Variants in ANKS1B observed in about 807,000 individuals in gnomAD.
ANKS1B encodes ankyrin repeat and sterile alpha motif domain containing 1B.
ANKS1B carries 36 observed loss-of-function variants against 148.3 expected under a neutral mutation model. That is an observed-to-expected ratio of 0.24 (90% confidence interval 0.19 to 0.32). The LOEUF is 0.32. ANKS1B is among the 10% of genes least tolerant of loss of function. ANKS1B has a pLI of 1.00. For missense variants in ANKS1B, 1,157 were observed against 1,542.6 expected (o/e 0.75, Z 4.19); for synonymous variants, 542 against 560.8 (o/e 0.97, Z 0.47).
At chr12:99,484,299 T>C in intron 10 of ANKS1B, among the ~76,000 whole-genome samples, 1 of 152,040 alleles carries the variant, frequency 6.6e-6, no homozygotes. Flanking sequence ...TGCGTTTTTA[T>C]AGTTTTGAGG....
chr12:99,797,314 G>A (rs1044082011), intron 4 of ANKS1B, among the ~76,000 whole-genome samples: 1 of 151,834 alleles, frequency 6.6e-6, no homozygotes, highest in Non-Finnish European at 1.5e-5. Flanking sequence ...TCACTCAAAT[G>A]AGCACTATTC....
intron 11 of ANKS1B, among the ~76,000 whole-genome samples, chr12:99,417,776 G>A (rs2094954839): frequency 6.6e-6 from 1 of 151,848 alleles, no homozygotes; most frequent in Admixed American, 6.6e-5. Flanking sequence ...GTTCACCGAG[G>A]CTCATAATCA....
intron 15 of ANKS1B, among the ~76,000 whole-genome samples, chr12:99,105,340 G>C (rs2058927854): frequency 6.6e-6 from 1 of 151,928 alleles, no homozygotes; most frequent in Non-Finnish European, 1.5e-5. Context: ...GTTCCTGTGG[G>C]GCAGGAACAG....
At chr12:99,164,215 C>A (rs1426659149) in intron 14 of ANKS1B, among the ~76,000 whole-genome samples, 1 of 151,930 alleles carries the variant, frequency 6.6e-6, no homozygotes, top group Non-Finnish European at 1.5e-5. Context: ...TTTTTGGTGT[C>A]TATCCCATTA....
At chr12:99,081,866 T>C (rs2049903973) in intron 16 of ANKS1B, among the ~76,000 whole-genome samples, 1 of 152,150 alleles carries the variant, frequency 6.6e-6, no homozygotes, top group Non-Finnish European at 1.5e-5. Context: ...GTGAGGAAAA[T>C]ATTCATTCAC....
At chr12:99,098,250 C>T (rs2056854078) in intron 15 of ANKS1B, among the ~76,000 whole-genome samples, 1 of 152,176 alleles carries the variant, frequency 6.6e-6, no homozygotes, top group African/African-American at 2.4e-5. Context: ...GAATCAAATT[C>T]CCCTCACCCC....
At chr12:99,693,140 TAGTATAAAGTCATTTAAACAAAC>T (rs2053372018) in intron 8 of ANKS1B, among the ~76,000 whole-genome samples, 1 of 151,894 alleles carries the variant, frequency 6.6e-6, no homozygotes. Flanking sequence ...TAAGGAAAAA[TAGTATAAAGTCATTTAAACAAAC>T]AGAAGAATGT....
chr12:99,360,197 T>C (rs185486923), intron 12 of ANKS1B, among the ~76,000 whole-genome samples: 1 of 152,282 alleles, frequency 6.6e-6, no homozygotes, highest in East Asian at 1.9e-4. Context: ...GGGTTTGACA[T>C]CCATCTTTGT....
At chr12:99,817,169 C>G (rs75886650) in intron 2 of ANKS1B, among the ~76,000 whole-genome samples, 11,414 of 149,658 alleles carry the variant, frequency 0.076, 645 homozygotes, top group Middle Eastern at 0.11. Flanking sequence ...TCTCCCCCCC[C>G]CCTTTCCTTC....
At chr12:98,791,084 C>T (rs567664404) in intron 22 of ANKS1B, among the ~76,000 whole-genome samples, 7 of 152,140 alleles carry the variant, frequency 4.6e-5, no homozygotes, top group African/African-American at 7.2e-5. Context: ...TGGTGGCTCA[C>T]GCCTGTAATC....
rs374380648 is a variant in ANKS1B at position 99,154,267 on chromosome 12, G to A, written c.2526+22C>T. The A allele has an allele frequency of 2.2e-5, 36 of 1,612,808 alleles. No individual in the cohort carries two copies. In the Middle Eastern group the frequency reaches 6.6e-4, roughly 30 times the overall value. On this transcript the variant is annotated intron_variant, in intron 15 of 26. Coordinates refer to ENST00000683438, the MANE Select transcript of ANKS1B (RefSeq NM_001352186.2). ...GCAAAGACAGACAAAAGGCAGCTCC[G>A]TGGACACAGAGAGCTTCTTACCATA...
chr12:99,569,171 T>C (rs1362774741), intron 9 of ANKS1B, among the ~76,000 whole-genome samples: 2 of 152,182 alleles, frequency 1.3e-5, no homozygotes, highest in Non-Finnish European at 2.9e-5. Flanking sequence ...TGACTTGAAA[T>C]TTAAAAAACA....
chr12:99,778,784 G>GC (rs2063948814), intron 6 of ANKS1B, among the ~76,000 whole-genome samples: 2 of 152,176 alleles, frequency 1.3e-5, no homozygotes, highest in South Asian at 4.1e-4. Flanking sequence ...AGAGAAGAGA[G>GC]CATAATGGCC....
intron 12 of ANKS1B, among the ~76,000 whole-genome samples, chr12:99,248,776 CA>C (rs2074203428): frequency 6.6e-6 from 1 of 152,176 alleles, no homozygotes; most frequent in South Asian, 2.1e-4. Flanking sequence ...TAAGGTCTAT[CA>C]GATTCTGACA....
intron 10 of ANKS1B, among the ~76,000 whole-genome samples, chr12:99,488,488 G>GTTT (rs781266717): frequency 6.6e-6 from 1 of 152,064 alleles, no homozygotes; most frequent in Non-Finnish European, 1.5e-5. Flanking sequence ...TACCAGAAAT[G>GTTT]TTTTTTAACA....
At chr12:99,040,884 T>C (rs116345499) in intron 17 of ANKS1B, among the ~76,000 whole-genome samples, 180 of 152,324 alleles carry the variant, frequency 1.2e-3, no homozygotes, top group African/African-American at 4.2e-3. Context: ...ATAATCATGA[T>C]AGCAAAGGCA....
chr12:99,424,985 A>G (rs1050040919), intron 11 of ANKS1B, among the ~76,000 whole-genome samples: 2 of 151,898 alleles, frequency 1.3e-5, no homozygotes, highest in African/African-American at 2.4e-5. Context: ...CTCACTTCTA[A>G]GTTCTTTTCT....
intron 9 of ANKS1B, among the ~76,000 whole-genome samples, chr12:99,613,418 A>T (rs1212378034): frequency 9.2e-5 from 14 of 152,102 alleles, no homozygotes. Flanking sequence ...TCACTGCAGC[A>T]CTATTCATAA....
chr12:98,880,445 T>G (rs752530167), intron 17 of ANKS1B, among the ~76,000 whole-genome samples: 2 of 152,138 alleles, frequency 1.3e-5, no homozygotes, highest in Non-Finnish European at 2.9e-5. Flanking sequence ...TTAACTGGAA[T>G]GCATAAGTAT....
Sources: allele counts gnomAD v4.1 joint callset (sites outside exome capture counted in the v4.1 genomes callset), GRCh38; gene constraint gnomAD v4.1.1; transcripts MANE v1.5; gene names NCBI Gene and HGNC (gene_info 2026-07-23, HGNC 2026-07-21).